The following ZMYM2 variants were observed in gnomAD, a reference collection of about 807,000 sequenced individuals.
The protein encoded by ZMYM2 is zinc finger MYM-type protein 2.
In ZMYM2, 56 loss-of-function variants were observed where a neutral mutation model predicts 162.8. The observed-to-expected ratio is 0.34, with a 90% CI of 0.28 to 0.43. The LOEUF (loss-of-function observed/expected upper bound fraction) is 0.43, where lower values mean the gene tolerates loss of function less well. ZMYM2 is among the 20% of genes least tolerant of loss of function. The pLI, the probability that ZMYM2 is intolerant of heterozygous loss-of-function variation, is 1.00. For synonymous variants in ZMYM2, 510 were observed against 541.6 expected, an observed-to-expected ratio of 0.94 and a Z score of 0.81; for missense variants, 1,275 against 1,621.8, an observed-to-expected ratio of 0.79 and a Z score of 3.67.
Position 20,082,147 on chromosome 13 carries a change from T to C in ZMYM2, c.3568+17T>C, listed in dbSNP as rs1290120855. On this transcript the variant is annotated intron_variant, in intron 22 of 24. Transcript: ENST00000610343. Reference sequence around the variant, plus strand: ...TTCCAGATGGTAATGCTATTTTCACTAAAGGTGTTGCTCTCTTGATATTAG... The same window carrying C: ...TTCCAGATGGTAATGCTATTTTCACCAAAGGTGTTGCTCTCTTGATATTAG... 1.3e-6 allele frequency: 2 copies of C among 1,531,752 alleles called. No homozygotes were observed. Among genetic ancestry groups the C allele is most frequent in the African/African-American group, 2.8e-5 (2 of 72,584 alleles). The allele number at this position is 1,531,752 out of a possible 1,614,324, so 94.9% of individuals were successfully genotyped here.
intron 18 of ZMYM2, 109 bp downstream of exon 18, chr13:20,063,080 T>G (rs1956350081): frequency 7.8e-7 from 1 of 1,282,516 alleles, no homozygotes; most frequent in Admixed American, 3.4e-5. Context: ...TTCATATTTT[T>G]TATTCTTGTT....
intron 21 of ZMYM2, 87 bp downstream of exon 21, chr13:20,067,477 A>G (rs1279672056): frequency 1.5e-6 from 2 of 1,329,772 alleles, no homozygotes; most frequent in East Asian, 2.5e-5. Context: ...TGGAACCTTT[A>G]TTGACTTACC....
chr13:20,063,876 TAC>T (rs1956451126), intron 18 of ZMYM2, among the ~76,000 whole-genome samples: 34 of 144,994 alleles, frequency 2.3e-4, no homozygotes, highest in African/African-American at 4.0e-4. Context: ...TATAAATATA[TAC>T]AATATATAAT....
intron 2 of ZMYM2, among the ~76,000 whole-genome samples, chr13:19,980,052 A>C (rs1957177762): frequency 6.6e-6 from 1 of 152,044 alleles, no homozygotes; most frequent in East Asian, 1.9e-4. Flanking sequence ...TTGTAACTTT[A>C]AAATTATAAA....
rs554084197 is a variant in ZMYM2 at position 20,083,191 on chromosome 13, T to C, written c.3820+159T>C. Among the ~76,000 whole-genome samples the C allele has an allele frequency of 3.9e-5, 6 of 152,202 alleles. No individual in the cohort carries two copies. The East Asian group carries it at 1.2e-3, about 29-fold the overall frequency. ...AATTCTCCTCCCTCAGCCTCCTGAGTGGCTGGGATTACAGGCAGGCGCCAC... is the reference window on the plus strand; with the variant it reads ...AATTCTCCTCCCTCAGCCTCCTGAGCGGCTGGGATTACAGGCAGGCGCCAC... On this transcript the variant is annotated intron_variant, in intron 23 of 24. Coordinates refer to ENST00000610343, the MANE Select transcript of ZMYM2 (RefSeq NM_197968.4).
chr13:19,934,432 G>A, the ZMYM2 span, among the ~76,000 whole-genome samples: 1 of 151,836 alleles, frequency 6.6e-6, no homozygotes, highest in Non-Finnish European at 1.5e-5. Context: ...TGCTGGGATT[G>A]CAAGCATGAG....
the ZMYM2 span, among the ~76,000 whole-genome samples, chr13:19,868,461 A>G: frequency 3.3e-5 from 5 of 152,036 alleles, no homozygotes; most frequent in African/African-American, 4.8e-5. Context: ...CGTTGCCTAC[A>G]TTTCTTGACC....
At chr13:20,020,635 T>G (rs1407354439) in intron 7 of ZMYM2, among the ~76,000 whole-genome samples, 3 of 152,150 alleles carry the variant, frequency 2.0e-5, no homozygotes, top group Non-Finnish European at 2.9e-5. Context: ...TTGTTTTTTG[T>G]TTTTTGTTTT....
In ZMYM2 at chr13:19,983,398, G is replaced by A. The variant is rs370739842; in HGVS notation, c.-10-9665G>A. ...TGACCTCAGATGATCCGCCTCCCTC[G>A]GCCTCCCAAAGTGCTGGGATTACAG... On this transcript the variant is annotated intron_variant, in intron 2 of 24. Coordinates refer to ENST00000610343, the MANE Select transcript of ZMYM2 (RefSeq NM_197968.4). Among the ~76,000 whole-genome samples, 12 of 152,030 alleles carry A rather than the reference G, an allele frequency of 7.9e-5. No individual in the cohort carries two copies. In the East Asian group the frequency reaches 1.4e-3, roughly 17 times the overall value.
intron 21 of ZMYM2, among the ~76,000 whole-genome samples, chr13:20,076,258 TTC>T (rs1372753235): frequency 6.7e-6 from 1 of 150,262 alleles, no homozygotes; most frequent in Non-Finnish European, 1.5e-5. Flanking sequence ...ATGATGAGCA[TTC>T]TCTTTGTTTT....
the ZMYM2 span, among the ~76,000 whole-genome samples, chr13:19,903,483 C>CAAAA: frequency 5.6e-4 from 47 of 83,694 alleles, no homozygotes; most frequent in East Asian, 1.4e-3. Context: ...ACTAAAAATA[C>CAAAA]AAAAAAAAAA....
intron 12 of ZMYM2, among the ~76,000 whole-genome samples, chr13:20,047,605 A>C (rs1223310010): frequency 2.0e-5 from 3 of 152,132 alleles, no homozygotes; most frequent in Non-Finnish European, 1.5e-5. Context: ...TTACCTTTGC[A>C]CTTTAGATTG....
chr13:20,030,609 A>G (rs969452845), intron 9 of ZMYM2, among the ~76,000 whole-genome samples: 4 of 152,170 alleles, frequency 2.6e-5, no homozygotes, highest in South Asian at 2.1e-4. Context: ...CGTGTTAGCC[A>G]GGATGGTCTC....
intron 14 of ZMYM2, among the ~76,000 whole-genome samples, chr13:20,054,228 GTTTC>G (rs368782454): frequency 4.7e-4 from 72 of 152,302 alleles, no homozygotes; most frequent in Non-Finnish European, 9.6e-4. Flanking sequence ...CTTTTTGTGA[GTTTC>G]TTTATTTGTA....
At chr13:20,006,824 A>G (rs1950780830) in intron 6 of ZMYM2, among the ~76,000 whole-genome samples, 1 of 152,202 alleles carries the variant, frequency 6.6e-6, no homozygotes, top group Admixed American at 6.5e-5. Flanking sequence ...TTTCCGTGAT[A>G]TAATGATGGA....
the ZMYM2 span, among the ~76,000 whole-genome samples, chr13:19,878,841 G>C: frequency 6.6e-6 from 1 of 152,080 alleles, no homozygotes; most frequent in South Asian, 2.1e-4. Context: ...CAGGTTATTT[G>C]TTTCTTTGCT....
Position 20,085,946 on chromosome 13 carries a change from G to A in ZMYM2, c.4066G>A (p.Val1356Ile), listed in dbSNP as rs201569165. Residue 1356 changes from valine (V) to isoleucine (I), a missense_variant, in exon 25 of 25, where the codon GTA becomes ATA. Around this residue, in one of 10 missense-constraint regions of ZMYM2, gnomAD observed 69 missense variants for 78.4 expected, o/e 0.88. Transcript: ENST00000610343. Reference sequence around the variant, plus strand: ...CCGAAACACCTTGGAAAATATGCTTGTACGGGTTCTTCTAGTAAAAGATAT... The same window carrying A: ...CCGAAACACCTTGGAAAATATGCTTATACGGGTTCTTCTAGTAAAAGATAT... ...LDRNTLENML[V>I]RVLLVKDIYD... is the part of the protein sequence containing the mutation. The A allele has an allele frequency of 1.2e-6, 2 of 1,613,758 alleles. No individual in the cohort carries two copies. Among genetic ancestry groups the A allele is most frequent in the Non-Finnish European group, 1.7e-6 (2 of 1,179,754 alleles).
chr13:19,889,225 C>T, the ZMYM2 span, among the ~76,000 whole-genome samples: 10 of 151,980 alleles, frequency 6.6e-5, no homozygotes, highest in Admixed American at 1.3e-4. Context: ...AGATACCTTG[C>T]GCCAAAACCC....
At chr13:19,986,280 C>G (rs1185283806) in intron 2 of ZMYM2, among the ~76,000 whole-genome samples, 1 of 151,952 alleles carries the variant, frequency 6.6e-6, no homozygotes, top group Non-Finnish European at 1.5e-5. Context: ...CACCTATAGT[C>G]CTAGCTACAC....
Sources: allele counts gnomAD v4.1 joint callset (sites outside exome capture counted in the v4.1 genomes callset), GRCh38; gene constraint gnomAD v4.1.1; regional missense constraint gnomAD v4.1.1; transcripts MANE v1.5; gene names NCBI Gene and HGNC (gene_info 2026-07-23, HGNC 2026-07-21).